The following VPS13B variants were observed in gnomAD, a reference collection of about 807,000 sequenced individuals.
The protein encoded by VPS13B is intermembrane lipid transfer protein VPS13B.
A neutral mutation model predicts 426.4 loss-of-function variants in VPS13B; 285 were observed. The ratio of observed to expected loss-of-function variants is 0.67; its 90% CI spans 0.61 to 0.74. The LOEUF is 0.74. Ranked by LOEUF, VPS13B falls within the 30% of genes least tolerant of loss-of-function variation. The probability of loss-of-function intolerance (pLI) is 0.00; values close to 1 mark genes in which losing one functional copy is unlikely to be tolerated. For synonymous variants in VPS13B, 1,676 were observed against 1,676.4 expected, an observed-to-expected ratio of 1.00 and a Z score of 0.01; for missense variants, 4,537 against 4,782.6, an observed-to-expected ratio of 0.95 and a Z score of 1.51.
intron 55 of VPS13B, among the ~76,000 whole-genome samples, chr8:99,851,372 C>A (rs1330818756): frequency 6.6e-6 from 1 of 152,032 alleles, no homozygotes; most frequent in African/African-American, 2.4e-5. Context: ...TGGAATTGGG[C>A]AAGGTGATGG....
intron 33 of VPS13B, among the ~76,000 whole-genome samples, chr8:99,621,891 T>C (rs1828371153): frequency 6.9e-6 from 1 of 144,224 alleles, no homozygotes; most frequent in Non-Finnish European, 1.5e-5. Context: ...TGCAGTGCAG[T>C]AGCACAATCT....
At chr8:99,689,476 G>A (rs1296889946) in intron 35 of VPS13B, among the ~76,000 whole-genome samples, 1 of 151,992 alleles carries the variant, frequency 6.6e-6, no homozygotes, top group Non-Finnish European at 1.5e-5. Flanking sequence ...CATCAACAAG[G>A]GTCAAGAAGG....
At chr8:99,437,874 C>T (rs1202114400) in intron 22 of VPS13B, among the ~76,000 whole-genome samples, 1 of 152,004 alleles carries the variant, frequency 6.6e-6, no homozygotes, top group Non-Finnish European at 1.5e-5. Context: ...ACATAATTGG[C>T]AATAGTATGT....
intron 19 of VPS13B, among the ~76,000 whole-genome samples, chr8:99,358,886 C>T (rs887027477): frequency 1.3e-5 from 2 of 152,166 alleles, no homozygotes; most frequent in Non-Finnish European, 2.9e-5. Flanking sequence ...GTACTGATTA[C>T]TATTGAATCC....
intron 25 of VPS13B, among the ~76,000 whole-genome samples, chr8:99,488,315 GAGTAGTCTGTTT>G (rs1368885257): frequency 6.6e-6 from 1 of 151,912 alleles, no homozygotes; most frequent in African/African-American, 2.4e-5. Flanking sequence ...GGGAAAATTC[GAGTAGTCTGTTT>G]AGTTTCTATA....
intron 2 of VPS13B, among the ~76,000 whole-genome samples, chr8:99,014,503 C>T (rs942722042): frequency 3.9e-5 from 6 of 151,976 alleles, no homozygotes; most frequent in African/African-American, 1.4e-4. Context: ...AAGACGATTT[C>T]ATTGTTCATG....
At chr8:99,714,751 G>A (rs888819980) in intron 36 of VPS13B, among the ~76,000 whole-genome samples, 19 of 152,048 alleles carry the variant, frequency 1.2e-4, no homozygotes, top group African/African-American at 3.1e-4. Flanking sequence ...AGACAGACAC[G>A]TTGCAGAATG....
At chr8:99,651,891 G>C (rs572269944) in intron 34 of VPS13B, among the ~76,000 whole-genome samples, 2 of 152,212 alleles carry the variant, frequency 1.3e-5, no homozygotes, top group South Asian at 4.1e-4. Context: ...GCAATATCTT[G>C]TTACCCATTA....
intron 3 of VPS13B, among the ~76,000 whole-genome samples, chr8:99,086,646 G>T (rs1054539061): frequency 3.3e-5 from 5 of 152,030 alleles, no homozygotes; most frequent in Admixed American, 3.3e-4. Context: ...TGGTGTGGAT[G>T]TTCTTTCTGT....
chr8:99,206,731 G>T (rs939490692), intron 17 of VPS13B, among the ~76,000 whole-genome samples: 1 of 152,062 alleles, frequency 6.6e-6, no homozygotes, highest in Non-Finnish European at 1.5e-5. Context: ...TTCTTCCCAG[G>T]TGTGCATATA....
Position 99,874,501 on chromosome 8 carries a change from G to C in VPS13B, c.11746-917G>C, listed in dbSNP as rs78433733. On this transcript the variant is annotated intron_variant, in intron 61 of 61. Transcript: ENST00000357162. ...TGTTACTGGACCACACGCAGAACTAGAAACAAGTCTTTCTTTACCACTTCT... is the reference window on the plus strand; with the variant it reads ...TGTTACTGGACCACACGCAGAACTACAAACAAGTCTTTCTTTACCACTTCT... Among the ~76,000 whole-genome samples, 3 of 152,258 alleles carry C rather than the reference G, an allele frequency of 2.0e-5. No homozygotes were observed. In the East Asian group the frequency reaches 5.8e-4, roughly 29 times the overall value.
intron 43 of VPS13B, among the ~76,000 whole-genome samples, chr8:99,789,662 A>C (rs1040353303): frequency 2.0e-5 from 3 of 152,152 alleles, no homozygotes; most frequent in Non-Finnish European, 1.5e-5. Flanking sequence ...AAAGCACCAA[A>C]ATGTTCACTT....
At chr8:99,510,364 A>T (rs1821720098) in intron 28 of VPS13B, among the ~76,000 whole-genome samples, 1 of 152,222 alleles carries the variant, frequency 6.6e-6, no homozygotes. Context: ...TCAAATAAAA[A>T]TATGTAATGT....
chr8:99,342,671 A>G (rs1323366688), intron 19 of VPS13B, among the ~76,000 whole-genome samples: 1 of 152,218 alleles, frequency 6.6e-6, no homozygotes, highest in Non-Finnish European at 1.5e-5. Context: ...CTGATACCAT[A>G]TCTTGTCTAT....
intron 44 of VPS13B, among the ~76,000 whole-genome samples, chr8:99,815,069 A>G (rs1344225453): frequency 6.6e-6 from 1 of 151,992 alleles, no homozygotes; most frequent in African/African-American, 2.4e-5. Context: ...GTTCTCCAGA[A>G]AAACCGCACT....
rs1319011435 is a variant in VPS13B, at chr8:99,717,305, A to G, written c.6589A>G (p.Ser2197Gly). The G allele has an allele frequency of 6.2e-7, 1 of 1,614,142 alleles. No homozygotes were observed. Among genetic ancestry groups the G allele is most frequent in the East Asian group, 2.2e-5 (1 of 44,868 alleles). ...TCTGGAAGCTAAGTGGTGTAAACAC[A>G]GCGGGAATCCAGGCCCAGAACAATC... ...ANLEAKWCKH[S>G]GNPGPEQSIP... Residue 2197 changes from serine to glycine, a missense_variant, in exon 37 of 62, where the codon AGC (serine) becomes GGC (glycine). Physicochemically the swap from Ser to Gly is moderately conservative, Grantham distance 56. This residue lies in a region of VPS13B where 4,311 missense variants were observed against 4,474.3 expected (regional missense o/e 0.96). Coordinates refer to ENST00000357162, the MANE Select transcript of VPS13B (RefSeq NM_152564.5).
chr8:99,702,162 A>G (rs1832307924), intron 36 of VPS13B, among the ~76,000 whole-genome samples: 1 of 152,162 alleles, frequency 6.6e-6, no homozygotes, highest in Non-Finnish European at 1.5e-5. Context: ...ATACTCACAT[A>G]AAAGCCTCCT....
intron 44 of VPS13B, among the ~76,000 whole-genome samples, chr8:99,813,073 T>G (rs1485493050): frequency 6.6e-6 from 1 of 152,242 alleles, no homozygotes; most frequent in Non-Finnish European, 1.5e-5. Context: ...TTGTAAGTTT[T>G]GCCACTTTGA....
chr8:99,373,788 G>A (rs552188024), intron 19 of VPS13B, among the ~76,000 whole-genome samples: 1 of 152,296 alleles, frequency 6.6e-6, no homozygotes, highest in South Asian at 2.1e-4. Flanking sequence ...GCTACAGTGA[G>A]CTGTGATCAT....
Sources: allele counts gnomAD v4.1 joint callset (sites outside exome capture counted in the v4.1 genomes callset), GRCh38; gene constraint gnomAD v4.1.1; regional missense constraint gnomAD v4.1.1; transcripts MANE v1.5; gene names NCBI Gene and HGNC (gene_info 2026-07-23, HGNC 2026-07-21).